Variants in DNAH5 observed in about 807,000 individuals in gnomAD.
DNAH5 encodes dynein axonemal heavy chain 5, also known as axonemal beta dynein heavy chain 5.
DNAH5 carries 372 observed loss-of-function variants against 518.2 expected under a neutral mutation model. The ratio of observed to expected loss-of-function variants is 0.72; its 90% CI spans 0.66 to 0.78. DNAH5 has a LOEUF of 0.78. Among genes scored for constraint, DNAH5 ranks in the 30% least tolerant of loss-of-function variants. The probability of loss-of-function intolerance (pLI) is 0.00; values close to 1 mark genes in which losing one functional copy is unlikely to be tolerated. For missense variants in DNAH5, 5,523 were observed against 5,687.0 expected (o/e 0.97, Z 0.93); for synonymous variants, 2,039 against 2,025.9 (o/e 1.01, Z -0.17).
At chr5:13,986,343 G>C (rs1205313959) in intron 1 of DNAH5, among the ~76,000 whole-genome samples, 1 of 152,098 alleles carries the variant, frequency 6.6e-6, no homozygotes, top group Non-Finnish European at 1.5e-5. Flanking sequence ...ACTGCCTCTA[G>C]ACCACTTCAA....
chr5:13,786,487 T>C, intron 51 of DNAH5, 136 bp from the exon 52 acceptor site: 1 of 921,738 alleles, frequency 1.1e-6, no homozygotes. Context: ...AGTGTGTATT[T>C]TGCAAAAACA....
chr5:13,932,797 T>C (rs1424390447), intron 1 of DNAH5, among the ~76,000 whole-genome samples: 1 of 152,126 alleles, frequency 6.6e-6, no homozygotes, highest in Non-Finnish European at 1.5e-5. Flanking sequence ...GAGGAACAAG[T>C]TGAAGCAACA....
chr5:13,719,197 A>G, intron 71 of DNAH5, 96 bp from the exon 72 acceptor site: 1 of 976,118 alleles, frequency 1.0e-6, no homozygotes, highest in African/African-American at 1.6e-5. Context: ...AAAATTTAAT[A>G]GGAAAACACT....
At chr5:13,756,918 C>T (rs1751068922) in intron 61 of DNAH5, among the ~76,000 whole-genome samples, 1 of 152,168 alleles carries the variant, frequency 6.6e-6, no homozygotes, top group African/African-American at 2.4e-5. Flanking sequence ...CATGTGTTCT[C>T]ATCATTTAGC....
intron 9 of DNAH5, among the ~76,000 whole-genome samples, chr5:13,914,861 G>A (rs772508109): frequency 2.6e-4 from 39 of 151,970 alleles, no homozygotes; most frequent in Non-Finnish European, 5.0e-4. Flanking sequence ...ATGGAAAATC[G>A]ACAATTTAGG....
intron 65 of DNAH5, among the ~76,000 whole-genome samples, chr5:13,742,496 A>T (rs1748711363): frequency 6.6e-6 from 1 of 152,124 alleles, no homozygotes; most frequent in African/African-American, 2.4e-5. Flanking sequence ...CTACTTTTCT[A>T]ATCTTATTTC....
At chr5:13,723,232 T>C (rs528260139) in intron 70 of DNAH5, among the ~76,000 whole-genome samples, 2 of 152,210 alleles carry the variant, frequency 1.3e-5, no homozygotes, top group Admixed American at 1.3e-4. Flanking sequence ...TTTAATAAGT[T>C]TGCCTGATAT....
At chr5:13,894,443 T>A (rs555172434) in intron 16 of DNAH5, among the ~76,000 whole-genome samples, 1 of 152,350 alleles carries the variant, frequency 6.6e-6, no homozygotes, top group East Asian at 1.9e-4. Flanking sequence ...GTGGTTAATC[T>A]CTGGGGATAA....
rs200487582 is a variant in DNAH5, at chr5:13,729,005, GGAA to G, written c.11883+431_11883+433del. On this transcript the variant is annotated intron_variant, in intron 69 of 78. Coordinates refer to ENST00000265104, the MANE Select transcript of DNAH5 (RefSeq NM_001369.3). ...GTCAAATAATGGGAAGGGCAGGAGA[GGAA>G]GAAGAAGAAGAGGGAGAGAAACAAG... Among the ~76,000 whole-genome samples the G allele has an allele frequency of 2.0e-3, 305 of 152,170 alleles. 1 individual carries two copies. The highest frequency in any genetic ancestry group is 6.5e-3 in the African/African-American group (269 of 41,518).
At chr5:13,806,907 G>A (rs1759697559) in intron 47 of DNAH5, among the ~76,000 whole-genome samples, 1 of 152,130 alleles carries the variant, frequency 6.6e-6, no homozygotes. Context: ...TTTATACCTT[G>A]TTGCAATTGA....
intron 41 of DNAH5, among the ~76,000 whole-genome samples, chr5:13,819,322 C>A (rs1761924007): frequency 6.6e-6 from 1 of 152,136 alleles, no homozygotes; most frequent in African/African-American, 2.4e-5. Flanking sequence ...GCTGAGAACA[C>A]ACTTTATCTC....
intron 1 of DNAH5, among the ~76,000 whole-genome samples, chr5:13,984,424 TG>T (rs1782891146): frequency 6.6e-6 from 1 of 152,332 alleles, no homozygotes; most frequent in African/African-American, 2.4e-5. Context: ...TAAGCAGATT[TG>T]GGGCTGAGAC....
chr5:13,876,885 A>C, intron 21 of DNAH5, 68 bp from the exon 22 acceptor site: 1 of 1,508,216 alleles, frequency 6.6e-7, no homozygotes, highest in South Asian at 1.2e-5. Flanking sequence ...GGAGATGAGG[A>C]TATTTCTGTG....
intron 19 of DNAH5, among the ~76,000 whole-genome samples, chr5:13,884,039 T>A (rs576506493): frequency 2.6e-5 from 4 of 152,306 alleles, no homozygotes; most frequent in South Asian, 2.1e-4. Flanking sequence ...TAAAATTTAA[T>A]TTCAGGATGC....
intron 1 of DNAH5, among the ~76,000 whole-genome samples, chr5:13,990,661 A>G (rs1046321310): frequency 2.0e-5 from 3 of 152,194 alleles, no homozygotes; most frequent in East Asian, 1.9e-4. Context: ...TGAGGTCAAG[A>G]GTTCGAGACC....
chr5:13,848,603 TG>T (rs1766387304), intron 31 of DNAH5, among the ~76,000 whole-genome samples: 2 of 152,212 alleles, frequency 1.3e-5, no homozygotes. Context: ...TGCAACTAAA[TG>T]GTCCCATCTG....
At chr5:13,693,996 C>G (rs1561061444) in intron 78 of DNAH5, among the ~76,000 whole-genome samples, 1 of 152,182 alleles carries the variant, frequency 6.6e-6, no homozygotes, top group Admixed American at 6.5e-5. Flanking sequence ...ACTATACTCA[C>G]TGATATAGTT....
chr5:13,804,777 T>C (rs1183344207), intron 47 of DNAH5, among the ~76,000 whole-genome samples: 1 of 152,264 alleles, frequency 6.6e-6, no homozygotes. Flanking sequence ...TCTTCTTCTA[T>C]TTATTATATT....
At chr5:13,840,046 T>C (rs192030027) in intron 34 of DNAH5, among the ~76,000 whole-genome samples, 17 of 152,368 alleles carry the variant, frequency 1.1e-4, no homozygotes, top group Admixed American at 1.1e-3. Context: ...GGAAATGCTT[T>C]TGTCCAGATT....
Sources: gnomAD v4.1 joint callset for allele counts (sites outside exome capture counted in the v4.1 genomes callset) on GRCh38, gnomAD v4.1.1 for gene constraint, MANE v1.5 for transcripts, NCBI Gene and HGNC (gene_info 2026-07-23, HGNC 2026-07-21) for gene names.